ABCC8: variants seen among roughly 807,000 people sequenced by gnomAD.
ABCC8 encodes ATP-binding cassette sub-family C member 8.
ABCC8 carries 137 observed loss-of-function variants against 188.0 expected under a neutral mutation model. The observed-to-expected ratio is 0.73, with a 90% CI of 0.63 to 0.84. The LOEUF is 0.84. ABCC8 is among the 40% of genes least tolerant of loss of function. The pLI, the probability that ABCC8 is intolerant of heterozygous loss-of-function variation, is 0.00. For synonymous variants in ABCC8, 797 were observed against 846.5 expected, an observed-to-expected ratio of 0.94 and a Z score of 1.01; for missense variants, 1,750 against 2,072.7, an observed-to-expected ratio of 0.84 and a Z score of 3.02.
intron 32 of ABCC8, 60 bp from the exon 33 acceptor site, chr11:17,397,106 C>T (rs754284322): frequency 1.2e-6 from 2 of 1,613,844 alleles, no homozygotes; most frequent in South Asian, 2.2e-5. Context: ...CCGAAAGTGC[C>T]ACCCCATCCC....
chr11:17,474,014 C>A (rs1391350415), intron 2 of ABCC8, among the ~76,000 whole-genome samples: 1 of 152,164 alleles, frequency 6.6e-6, no homozygotes, highest in African/African-American at 2.4e-5. Context: ...CTCTTTGGTG[C>A]CTTTTCCCTT....
chr11:17,428,433 A>G, intron 13 of ABCC8, 28 bp from the exon 14 acceptor site: 1 of 1,609,228 alleles, frequency 6.2e-7, no homozygotes, highest in African/African-American at 1.3e-5. Flanking sequence ...GTGAGGACCC[A>G]CTGGGCTGGG....
chr11:17,469,667 C>T (rs1055793475), intron 3 of ABCC8, among the ~76,000 whole-genome samples: 1 of 152,116 alleles, frequency 6.6e-6, no homozygotes, highest in African/African-American at 2.4e-5. Flanking sequence ...CCCTCACCTC[C>T]CACTCTTCCC....
intron 36 of ABCC8, among the ~76,000 whole-genome samples, chr11:17,394,878 G>A (rs1414860103): frequency 6.6e-6 from 1 of 152,156 alleles, no homozygotes; most frequent in South Asian, 2.1e-4. Flanking sequence ...GGCAGGGCAG[G>A]GCTGAAGATG....
intron 10 of ABCC8, among the ~76,000 whole-genome samples, chr11:17,440,324 C>T (rs1956266094): frequency 6.6e-6 from 1 of 152,160 alleles, no homozygotes; most frequent in Non-Finnish European, 1.5e-5. Flanking sequence ...CTGTACAAAA[C>T]TGGGGGGCTA....
At chr11:17,471,189 A>T (rs1314074963) in intron 2 of ABCC8, among the ~76,000 whole-genome samples, 1 of 152,186 alleles carries the variant, frequency 6.6e-6, no homozygotes, top group Non-Finnish European at 1.5e-5. Context: ...GCCCTTGAGA[A>T]GCTGATGGTA....
chr11:17,450,561 ATTT>A (rs752614872), intron 7 of ABCC8, among the ~76,000 whole-genome samples: 1 of 137,888 alleles, frequency 7.3e-6, no homozygotes, highest in South Asian at 2.3e-4. Context: ...TGCCTGGCTA[ATTT>A]TTTTTTGTAT....
chr11:17,416,032 C>A (rs933748572), intron 17 of ABCC8, among the ~76,000 whole-genome samples: 1 of 152,150 alleles, frequency 6.6e-6, no homozygotes, highest in Non-Finnish European at 1.5e-5. Flanking sequence ...ATTTTTGGCT[C>A]AAGAAATATG....
chr11:17,422,537 C>T (rs960572020), intron 16 of ABCC8, among the ~76,000 whole-genome samples: 11 of 152,164 alleles, frequency 7.2e-5, no homozygotes. Context: ...CTCTCATTTC[C>T]CCATGCATTT....
At chr11:17,421,948 C>T (rs986312845) in intron 16 of ABCC8, among the ~76,000 whole-genome samples, 1 of 152,218 alleles carries the variant, frequency 6.6e-6, no homozygotes, top group Admixed American at 6.5e-5. Flanking sequence ...AGGTCTTGGC[C>T]TGGGTATGGC....
intron 16 of ABCC8, among the ~76,000 whole-genome samples, chr11:17,418,093 T>C (rs1955169057): frequency 6.6e-6 from 1 of 152,108 alleles, no homozygotes; most frequent in African/African-American, 2.4e-5. Flanking sequence ...AATAACCATA[T>C]GAAGGAGGTT....
intron 16 of ABCC8, 137 bp downstream of exon 16, chr11:17,426,912 A>C (rs1955604822): frequency 2.1e-6 from 2 of 964,586 alleles, no homozygotes; most frequent in Non-Finnish European, 3.0e-6. Context: ...GATGATGAGA[A>C]TATCCATTAG....
chr11:17,437,197 T>TG (rs34521059), intron 10 of ABCC8, among the ~76,000 whole-genome samples: 32,633 of 149,504 alleles, frequency 0.22, 3,645 homozygotes, highest in Non-Finnish European at 0.24. Context: ...CGGTAGTAAA[T>TG]GATAGTGTAA....
chr11:17,447,080 A>T (rs746447200), intron 8 of ABCC8, among the ~76,000 whole-genome samples: 2 of 152,238 alleles, frequency 1.3e-5, no homozygotes, highest in Non-Finnish European at 2.9e-5. Flanking sequence ...CCCATTTCAT[A>T]GATAAAGAAA....
intron 29 of ABCC8, among the ~76,000 whole-genome samples, chr11:17,398,778 A>C (rs1954073536): frequency 6.6e-6 from 1 of 152,028 alleles, no homozygotes; most frequent in Non-Finnish European, 1.5e-5. Context: ...AAGTCCTCTT[A>C]TGTCTCTCTC....
intron 3 of ABCC8, 200 bp from the exon 4 acceptor site, chr11:17,463,804 GA>G (rs1461999377): frequency 5.4e-6 from 1 of 184,434 alleles, no homozygotes; most frequent in Non-Finnish European, 1.0e-5. Context: ...TAACATTCAT[GA>G]AAAACACCAA....
chr11:17,443,381 T>A lies in ABCC8; in HGVS notation c.1333-69A>T, dbSNP rs542290474. The A allele has an allele frequency of 3.3e-5, 53 of 1,610,716 alleles. No homozygotes were observed. In the African/African-American group the frequency reaches 5.9e-4, roughly 18 times the overall value. On this transcript the variant is annotated intron_variant, in intron 8 of 38. Coordinates refer to ENST00000389817, the MANE Select transcript of ABCC8 (RefSeq NM_000352.6). ...GCCCTGCCAGGAGGTGCTGGCAAAA[T>A]CCCTGTTTCCCCAGTCCCCTAGAGT...
intron 6 of ABCC8, among the ~76,000 whole-genome samples, chr11:17,455,054 C>A (rs1318294691): frequency 2.6e-5 from 4 of 152,174 alleles, no homozygotes; most frequent in African/African-American, 9.7e-5. Context: ...TTTAAAGCAA[C>A]AACACATCAT....
Position 17,467,120 on chromosome 11 carries a change from C to G in ABCC8, c.412+2981G>C, listed in dbSNP as rs968691380. On this transcript the variant is annotated intron_variant, in intron 3 of 38. Transcript: ENST00000389817. ...TTGCTGTTGGGATAAAGGCAAACAT[C>G]TGTGGTATGACCTTCCAGGTGGGTG... is the stretch of plus-strand genomic sequence containing the variant. Among the ~76,000 whole-genome samples, 8 of 146,104 alleles carry G rather than the reference C, an allele frequency of 5.5e-5. No individual in the cohort carries two copies. In the East Asian group the frequency reaches 1.7e-3, roughly 31 times the overall value.
Sources: gnomAD v4.1 joint callset for allele counts (sites outside exome capture counted in the v4.1 genomes callset) on GRCh38, gnomAD v4.1.1 for gene constraint, MANE v1.5 for transcripts, NCBI Gene and HGNC (gene_info 2026-07-23, HGNC 2026-07-21) for gene names.